Variants in GRK3 observed in about 807,000 individuals in gnomAD.
The protein encoded by GRK3 is G protein-coupled receptor kinase 3.
A neutral mutation model predicts 95.7 loss-of-function variants in GRK3; 54 were observed. That is an observed-to-expected ratio of 0.56 (90% CI 0.45 to 0.71). GRK3 has a LOEUF of 0.71. GRK3 is among the 30% of genes least tolerant of loss of function. GRK3 has a pLI of 0.00. For missense variants in GRK3, 649 were observed against 851.2 expected, an observed-to-expected ratio of 0.76 and a Z score of 2.96; for synonymous variants, 281 against 290.8, an observed-to-expected ratio of 0.97 and a Z score of 0.34.
At chr22:25,607,930 A>G (rs928076099) in intron 2 of GRK3, among the ~76,000 whole-genome samples, 3 of 152,048 alleles carry the variant, frequency 2.0e-5, no homozygotes, top group Non-Finnish European at 4.4e-5. Context: ...TTTCCTGTAA[A>G]CTGAGACTTT....
chr22:25,645,717 T>C (rs979517569), intron 3 of GRK3, among the ~76,000 whole-genome samples: 1 of 151,924 alleles, frequency 6.6e-6, no homozygotes, highest in African/African-American at 2.4e-5. Context: ...GGTCAGGAGA[T>C]CGAGACCATC....
intron 3 of GRK3, chr22:25,648,339 GGT>G (rs1449948934): frequency 1.6e-6 from 2 of 1,267,088 alleles, no homozygotes; most frequent in African/African-American, 1.5e-5. Context: ...ACATGCTGAT[GGT>G]TTATGCCACA....
At chr22:25,721,529 C>A in intron 20 of GRK3, 132 bp downstream of exon 20, 1 of 571,656 alleles carries the variant, frequency 1.7e-6, no homozygotes, top group Non-Finnish European at 3.1e-6. Context: ...CCCCAAGGTA[C>A]AAGGTTTTCA....
Position 25,565,171 on chromosome 22 carries a change from C to T in GRK3, c.113+18C>T, listed in dbSNP as rs1465570970. 2 of 1,419,742 alleles carry T rather than the reference C, an allele frequency of 1.4e-6. No individual in the cohort carries two copies. The highest frequency in any genetic ancestry group is 2.5e-5 in the Admixed American group (1 of 40,320). 87.9% of individuals were successfully genotyped at this position (1,419,742 alleles called of 1,614,324 possible). On this transcript the variant is annotated intron_variant, in intron 1 of 20. Transcript: ENST00000324198. ...GAGCCCAGGTACCAGCTGCCCCGGCCGGCGCCGGCCCCAAGCCGCCGCCCC... is the reference window on the plus strand; with the variant it reads ...GAGCCCAGGTACCAGCTGCCCCGGCTGGCGCCGGCCCCAAGCCGCCGCCCC...
intron 12 of GRK3, among the ~76,000 whole-genome samples, chr22:25,692,727 A>C (rs575688941): frequency 1.3e-5 from 2 of 152,340 alleles, no homozygotes; most frequent in East Asian, 3.9e-4. Flanking sequence ...GGTTCAGAGA[A>C]AGTAAGTAAC....
At chr22:25,597,227 C>T (rs1654172343) in intron 1 of GRK3, among the ~76,000 whole-genome samples, 2 of 151,570 alleles carry the variant, frequency 1.3e-5, no homozygotes, top group Admixed American at 1.3e-4. Context: ...AAAGAGCCGA[C>T]TAAAAAAATA....
At chr22:25,645,780 G>T (rs2084777250) in intron 3 of GRK3, among the ~76,000 whole-genome samples, 2 of 152,148 alleles carry the variant, frequency 1.3e-5, no homozygotes, top group Non-Finnish European at 1.5e-5. Context: ...AATTAGCCAG[G>T]CGTAGTGGTG....
chr22:25,648,176 A>G, intron 3 of GRK3: 1 of 708,972 alleles, frequency 1.4e-6, no homozygotes, highest in Non-Finnish European at 2.6e-6. Flanking sequence ...AAACTACTAA[A>G]GGTGCTTATT....
chr22:25,668,283 A>T lies in GRK3; in HGVS notation c.503+483A>T, dbSNP rs1045351276. Among the ~76,000 whole-genome samples the T allele has an allele frequency of 3.5e-4, 53 of 152,354 alleles. No individual in the cohort carries two copies. The Middle Eastern group carries it at 0.014, about 39-fold the overall frequency. ...AATATGTCCCTTGGTTACTCAAACT[A>T]TAGATCTACTGGTCAATTCTTCAGT... is the stretch of plus-strand genomic sequence containing the variant. On this transcript the variant is annotated intron_variant, in intron 6 of 20. Coordinates refer to ENST00000324198, the MANE Select transcript of GRK3 (RefSeq NM_005160.4).
intron 2 of GRK3, among the ~76,000 whole-genome samples, chr22:25,633,446 T>C (rs1008952944): frequency 6.6e-6 from 1 of 152,212 alleles, no homozygotes; most frequent in African/African-American, 2.4e-5. Flanking sequence ...AACATGGTTT[T>C]ATTCTTAATT....
At chr22:25,629,713 A>G (rs1232587255) in intron 2 of GRK3, among the ~76,000 whole-genome samples, 1 of 152,094 alleles carries the variant, frequency 6.6e-6, no homozygotes. Context: ...TGTCTTATCC[A>G]ACATCCTCTG....
intron 11 of GRK3, 40 bp from the exon 12 acceptor site, chr22:25,690,149 T>G (rs765227139): frequency 1.5e-5 from 23 of 1,505,560 alleles, no homozygotes; most frequent in Non-Finnish European, 1.9e-5. Context: ...TGCATGGCAT[T>G]TGGGGCACTC....
chr22:25,699,800 G>T (rs1330810376), intron 13 of GRK3, among the ~76,000 whole-genome samples: 1 of 149,328 alleles, frequency 6.7e-6, no homozygotes, highest in Non-Finnish European at 1.5e-5. Flanking sequence ...ACGGATTCAC[G>T]CCATTCTCCT....
intron 1 of GRK3, among the ~76,000 whole-genome samples, chr22:25,569,196 TTATTATTGA>T (rs1931597641): frequency 6.6e-6 from 1 of 152,248 alleles, no homozygotes; most frequent in Non-Finnish European, 1.5e-5. Flanking sequence ...AAAGTATTCC[TTATTATTGA>T]TAGGAGTGTT....
chr22:25,658,726 C>T (rs553267389), intron 3 of GRK3, among the ~76,000 whole-genome samples: 30 of 152,126 alleles, frequency 2.0e-4, no homozygotes, highest in Non-Finnish European at 4.0e-4. Flanking sequence ...ATAAAGCAAA[C>T]GTGATTTGCT....
chr22:25,606,832 A>G (rs962909139), intron 2 of GRK3, among the ~76,000 whole-genome samples: 1 of 152,156 alleles, frequency 6.6e-6, no homozygotes, highest in Non-Finnish European at 1.5e-5. Context: ...CCGAACTGGG[A>G]GATTGTTTGG....
In GRK3 at chr22:25,726,600, A is replaced by G. The variant is rs2085476002; in HGVS notation, c.*4150A>G. The G allele has an allele frequency of 6.6e-6, 1 of 152,226 alleles. No individual in the cohort carries two copies. The highest frequency in any genetic ancestry group is 2.4e-5 in the African/African-American group (1 of 41,452). 9.4% of individuals were successfully genotyped at this position (152,226 alleles called of 1,614,324 possible). On this transcript the variant is annotated 3_prime_UTR_variant, in exon 21 of 21. Transcript: ENST00000324198. ...TGTCACAAAGAGAATAGTGGTAGAA[A>G]TCGGGCGAAGGAAGAAAGAAGTTAC...
chr22:25,565,742 C>A (rs542480454), intron 1 of GRK3, among the ~76,000 whole-genome samples: 2 of 152,234 alleles, frequency 1.3e-5, no homozygotes, highest in South Asian at 4.1e-4. Context: ...CCTTCTTCGG[C>A]TTCTCTTCTA....
At chr22:25,664,239 C>A (rs2084927052) in intron 5 of GRK3, among the ~76,000 whole-genome samples, 1 of 152,150 alleles carries the variant, frequency 6.6e-6, no homozygotes, top group African/African-American at 2.4e-5. Flanking sequence ...AAATCAGATT[C>A]CCAACTAATA....
Sources: gnomAD v4.1 joint callset for allele counts (sites outside exome capture counted in the v4.1 genomes callset) on GRCh38, gnomAD v4.1.1 for gene constraint, MANE v1.5 for transcripts, NCBI Gene and HGNC (gene_info 2026-07-23, HGNC 2026-07-21) for gene names.